KCTD16: variants seen among roughly 807,000 people sequenced by gnomAD.
KCTD16 encodes BTB/POZ domain-containing protein KCTD16.
KCTD16 carries 13 observed loss-of-function variants against 33.2 expected under a neutral mutation model. The observed-to-expected ratio is 0.39, with a 90% CI of 0.25 to 0.62. KCTD16 has a LOEUF of 0.62. KCTD16 is among the 20% of genes least tolerant of loss of function. The pLI, the probability that KCTD16 is intolerant of heterozygous loss-of-function variation, is 0.50. For synonymous variants in KCTD16, 197 were observed against 195.3 expected (o/e 1.01, Z -0.07); for missense variants, 441 against 525.1 (o/e 0.84, Z 1.57).
intron 3 of KCTD16, among the ~76,000 whole-genome samples, chr5:144,441,279 A>G (rs957124102): frequency 1.3e-5 from 2 of 151,950 alleles, no homozygotes; most frequent in African/African-American, 4.8e-5. Flanking sequence ...CAGTTTATCT[A>G]TTTTCTCATT....
At chr5:144,236,181 C>A (rs1215472059) in intron 3 of KCTD16, among the ~76,000 whole-genome samples, 3 of 152,046 alleles carry the variant, frequency 2.0e-5, no homozygotes, top group Admixed American at 6.6e-5. Flanking sequence ...AAAACATATA[C>A]CAGTAATTAT....
At chr5:144,409,108 A>C (rs1752876858) in intron 3 of KCTD16, among the ~76,000 whole-genome samples, 1 of 152,208 alleles carries the variant, frequency 6.6e-6, no homozygotes, top group African/African-American at 2.4e-5. Context: ...AATTAATACT[A>C]CCAAATGGTT....
At chr5:144,253,676 T>A (rs1754764803) in intron 3 of KCTD16, among the ~76,000 whole-genome samples, 1 of 152,178 alleles carries the variant, frequency 6.6e-6, no homozygotes. Context: ...TGTATTTTTT[T>A]AAAGATGTTT....
intron 3 of KCTD16, among the ~76,000 whole-genome samples, chr5:144,425,093 C>A (rs1753294973): frequency 6.6e-6 from 1 of 152,088 alleles, no homozygotes; most frequent in Admixed American, 6.6e-5. Flanking sequence ...CAAATTTATT[C>A]CTGCTGTGAA....
chr5:144,437,535 CATATA>C (rs1374292618), intron 3 of KCTD16, among the ~76,000 whole-genome samples: 8 of 152,130 alleles, frequency 5.3e-5, no homozygotes, highest in Admixed American at 1.3e-4. Flanking sequence ...TAGCATCTGA[CATATA>C]ATATACTCAC....
At chr5:144,430,100 C>T (rs928242873) in intron 3 of KCTD16, among the ~76,000 whole-genome samples, 1 of 152,180 alleles carries the variant, frequency 6.6e-6, no homozygotes, top group Middle Eastern at 3.4e-3. Context: ...ATGATATCTT[C>T]AGGGGCATCG....
rs972546533 is a variant in KCTD16, at chr5:144,476,592, A to C, written c.*2478A>C. On this transcript the variant is annotated 3_prime_UTR_variant, in exon 4 of 4. Transcript: ENST00000512467. The stretch of plus-strand genomic sequence containing the variant: ...CTGGGCCACCTCTCGACTGGCACTC[A>C]TCCCATGGTAAAATATTCAAGTAAC... The C allele has an allele frequency of 2.0e-5, 3 of 152,180 alleles. No individual in the cohort carries two copies. The highest frequency in any genetic ancestry group is 7.2e-5 in the African/African-American group (3 of 41,448). The allele number at this position is 152,180 out of a possible 1,614,324, so 9.4% of individuals were successfully genotyped here.
chr5:144,378,624 T>C (rs1209814926), intron 3 of KCTD16, among the ~76,000 whole-genome samples: 2 of 152,188 alleles, frequency 1.3e-5, no homozygotes, highest in African/African-American at 4.8e-5. Context: ...GTCATTTCTA[T>C]GCCTTTGTTA....
intron 3 of KCTD16, among the ~76,000 whole-genome samples, chr5:144,221,284 ATACTTT>A (rs1753740325): frequency 6.6e-6 from 1 of 152,150 alleles, no homozygotes; most frequent in Non-Finnish European, 1.5e-5. Context: ...TATTATTATT[ATACTTT>A]AAGTTCTGGG....
chr5:144,179,593 C>A (rs2126772626), intron 2 of KCTD16, among the ~76,000 whole-genome samples: 1 of 152,314 alleles, frequency 6.6e-6, no homozygotes, highest in Middle Eastern at 3.4e-3. Flanking sequence ...CTTCCTTCAC[C>A]AACATGGTAG....
In KCTD16 at chr5:144,371,175, C is replaced by T. The variant is rs528909918; in HGVS notation, c.833-102485C>T. Among the ~76,000 whole-genome samples the T allele has an allele frequency of 1.4e-4, 22 of 152,220 alleles. No individual in the cohort carries two copies. The South Asian group carries it at 4.6e-3, about 32-fold the overall frequency. The stretch of plus-strand genomic sequence containing the variant: ...TTTTGCCACCTGAAATCCAGAATTC[C>T]TGCCTCACTCTGCTTCAACAAAGAT... On this transcript the variant is annotated intron_variant, in intron 3 of 3. Transcript: ENST00000512467.
rs972297968 is a variant in KCTD16, at chr5:144,485,210, G to T, written c.*11096G>T. The T allele has an allele frequency of 2.6e-5, 4 of 151,712 alleles. No homozygotes were observed. Among genetic ancestry groups the T allele is most frequent in the African/African-American group, 9.7e-5 (4 of 41,334 alleles). The allele number at this position is 151,712 out of a possible 1,614,324, so 9.4% of individuals were successfully genotyped here. ...ATGATAGAAAATGCTACTACTAATT[G>T]TCCCAATGGAATTGCACATCATTTT... On this transcript the variant is annotated 3_prime_UTR_variant, in exon 4 of 4. Transcript: ENST00000512467.
At position 144,474,073 on chromosome 5, in the gene KCTD16, C is replaced by T. The variant is rs766323381; in HGVS notation, c.1246C>T (p.His416Tyr). Residue 416 changes from histidine to tyrosine, a missense_variant, in exon 4 of 4, where the codon CAT becomes TAT. Physicochemically the swap from His to Tyr is moderately conservative, Grantham distance 83. Coordinates refer to ENST00000512467, the MANE Select transcript of KCTD16 (RefSeq NM_020768.4). Reference sequence around the variant, plus strand: ...TCCAGATCGGTTTCCTGAGAGAAAACATCCTTGGCAATCTGAACTTTTAAG... The same window carrying T: ...TCCAGATCGGTTTCCTGAGAGAAAATATCCTTGGCAATCTGAACTTTTAAG... The part of the protein sequence containing the change: ...KIPDRFPERK[H>Y]PWQSELLRKY... 4 of 1,611,026 alleles carry T rather than the reference C, an allele frequency of 2.5e-6. No individual in the cohort carries two copies. Among genetic ancestry groups the T allele is most frequent in the East Asian group, 4.5e-5 (2 of 44,770 alleles).
chr5:144,206,547 T>C lies in KCTD16; in HGVS notation c.-168T>C. On this transcript the variant is annotated 5_prime_UTR_variant, in exon 3 of 4. Coordinates refer to ENST00000512467, the MANE Select transcript of KCTD16 (RefSeq NM_020768.4). Reference sequence around the variant, plus strand: ...TTTCAGCATCACTTCACCTGTGGACTCTTATACATTTTGATTTCTTGGGGG... The same window carrying C: ...TTTCAGCATCACTTCACCTGTGGACCCTTATACATTTTGATTTCTTGGGGG... The C allele has an allele frequency of 3.2e-6, 2 of 625,882 alleles. No homozygotes were observed. The highest frequency in any genetic ancestry group is 1.8e-5 in the African/African-American group (1 of 54,424). The allele number at this position is 625,882 out of a possible 1,614,324, so 38.8% of individuals were successfully genotyped here. A position where few individuals can be genotyped will look rare whatever the true frequency, so the allele number is the denominator to read the frequency against.
At chr5:144,360,887 T>A (rs989414674) in intron 3 of KCTD16, among the ~76,000 whole-genome samples, 4 of 147,928 alleles carry the variant, frequency 2.7e-5, no homozygotes, top group African/African-American at 1.1e-4. Context: ...TTTTTTTTTA[T>A]TTTTTTTGGA....
intron 2 of KCTD16, among the ~76,000 whole-genome samples, chr5:144,201,619 G>A (rs759523217): frequency 1.7e-4 from 26 of 152,200 alleles, no homozygotes; most frequent in Admixed American, 1.2e-3. Context: ...ACACACCTGC[G>A]AGGCAGGTCT....
rs980380026 is a variant in KCTD16 at position 144,292,974 on chromosome 5, ATTTC to A, written c.832+85432_832+85435del. Reference sequence around the variant, plus strand: ...TCAAGCTGTGAAGCACAAGGCGTAAATTTCTTTGCCTTTTTGTACAGAGACTTGG... The same window carrying A: ...TCAAGCTGTGAAGCACAAGGCGTAAATTTGCCTTTTTGTACAGAGACTTGG... On this transcript the variant is annotated intron_variant, in intron 3 of 3. Transcript: ENST00000512467. Among the ~76,000 whole-genome samples the A allele has an allele frequency of 8.5e-5, 13 of 152,224 alleles. 1 individual carries two copies. Among genetic ancestry groups the A allele is most frequent in the Non-Finnish European group, 4.4e-5 (3 of 68,042 alleles).
Position 144,309,436 on chromosome 5 carries a change from C to T in KCTD16, c.832+101890C>T, listed in dbSNP as rs140717706. ...AAGCCAATTGCTTGTAAAACTCAGG[C>T]GGTGCAAAATGAGTTGACACATTCT... On this transcript the variant is annotated intron_variant, in intron 3 of 3. Coordinates refer to ENST00000512467, the MANE Select transcript of KCTD16 (RefSeq NM_020768.4). 6.1e-4 allele frequency among the ~76,000 whole-genome samples: 92 copies of T among 151,530 alleles called. 1 individual carries two copies. The East Asian group carries it at 0.017, about 28-fold the overall frequency.
At chr5:144,418,339 TGCTGATTGGTCCATTTTACAGAGA>T (rs1243138700) in intron 3 of KCTD16, among the ~76,000 whole-genome samples, 14 of 152,148 alleles carry the variant, frequency 9.2e-5, no homozygotes, top group African/African-American at 2.4e-4. Flanking sequence ...ACCCACATCC[TGCTGATTGGTCCATTTTACAGAGA>T]GCTGATTGGT....
Sources: allele counts gnomAD v4.1 joint callset (sites outside exome capture counted in the v4.1 genomes callset), GRCh38; gene constraint gnomAD v4.1.1; transcripts MANE v1.5; gene names NCBI Gene and HGNC (gene_info 2026-07-23, HGNC 2026-07-21).